The following DHRS7 variants were observed in gnomAD, a reference collection of about 807,000 sequenced individuals.
The protein encoded by DHRS7 is dehydrogenase/reductase 7, also known as dehydrogenase/reductase SDR family member 7.
In DHRS7, 34 loss-of-function variants were observed where a neutral mutation model predicts 38.9. That is an observed-to-expected ratio of 0.87 (90% CI 0.66 to 1.16). DHRS7 has a LOEUF of 1.16. Among genes scored for constraint, DHRS7 ranks in the 50% most tolerant of loss-of-function variants. DHRS7 has a pLI of 0.00. For missense variants in DHRS7, 421 were observed against 407.0 expected (o/e 1.03, Z -0.30); for synonymous variants, 158 against 153.1 (o/e 1.03, Z -0.24).
chr14:60,153,560 A>T lies in DHRS7; in HGVS notation c.394-382T>A, dbSNP rs1328888830. ...AAAATATAAAAATTAGCTGGGCGTGATGGTGCATGCCTGTAATCCCAGCTA... is the reference window on the plus strand; with the variant it reads ...AAAATATAAAAATTAGCTGGGCGTGTTGGTGCATGCCTGTAATCCCAGCTA... On this transcript the variant is annotated intron_variant, in intron 3 of 6. Transcript: ENST00000557185. This position sits in a 1 kb window ranked among gnomAD's most constrained non-coding sequence, Gnocchi z 4.4. 6.6e-6 allele frequency among the ~76,000 whole-genome samples: 1 copy of T among 151,978 alleles called. No individual in the cohort carries two copies. The highest frequency in any genetic ancestry group is 6.6e-5 in the Admixed American group (1 of 15,246).
At chr14:60,160,006 C>T (rs1220107802) in intron 1 of DHRS7, among the ~76,000 whole-genome samples, 1 of 152,184 alleles carries the variant, frequency 6.6e-6, no homozygotes, top group Non-Finnish European at 1.5e-5. Flanking sequence ...AATTGTCAAT[C>T]TGGGAAGATA....
At chr14:60,150,780 C>G (rs1896527834) in intron 4 of DHRS7, among the ~76,000 whole-genome samples, 1 of 152,162 alleles carries the variant, frequency 6.6e-6, no homozygotes, top group African/African-American at 2.4e-5. Flanking sequence ...GCACTTTTAA[C>G]AGTAGACTGG....
intron 6 of DHRS7, chr14:60,147,824 A>C (rs1325257945): frequency 1.3e-5 from 2 of 152,240 alleles, no homozygotes; most frequent in Non-Finnish European, 2.9e-5. Flanking sequence ...ATGCTCTGCC[A>C]GGAGGCTGTG....
intron 1 of DHRS7, 111 bp from the exon 2 acceptor site, chr14:60,156,263 C>T (rs1200204974): frequency 1.1e-6 from 1 of 907,736 alleles, no homozygotes; most frequent in Non-Finnish European, 1.5e-6. Flanking sequence ...AATATGAAGG[C>T]ATGATGTATA....
At chr14:60,166,026 C>T (rs1896862835), upstream of DHRS7, among the ~76,000 whole-genome samples, 1 of 152,188 alleles carries the variant, frequency 6.6e-6, no homozygotes, top group African/African-American at 2.4e-5. Flanking sequence ...CCAAATCCTC[C>T]CCTTACCCAA....
chr14:60,163,580 GTTC>G (rs1896805673), intron 1 of DHRS7, among the ~76,000 whole-genome samples: 1 of 152,094 alleles, frequency 6.6e-6, no homozygotes, highest in African/African-American at 2.4e-5. Flanking sequence ...CCTTCAAACT[GTTC>G]TTTTCCGACA....
intron 6 of DHRS7, chr14:60,147,514 A>G (rs1310412756): frequency 6.6e-6 from 1 of 152,204 alleles, no homozygotes; most frequent in Non-Finnish European, 1.5e-5. Context: ...TTATGTGTCA[A>G]TTATAAAGAA....
At position 60,145,077 on chromosome 14, in the gene DHRS7, T is replaced by C; in HGVS notation, c.973-64A>G. The C allele has an allele frequency of 8.5e-7, 1 of 1,170,930 alleles. No homozygotes were observed. The highest frequency in any genetic ancestry group is 2.6e-5 in the East Asian group (1 of 38,236). 72.5% of individuals were successfully genotyped at this position (1,170,930 alleles called of 1,614,324 possible). On this transcript the variant is annotated intron_variant, in intron 6 of 6. Coordinates refer to ENST00000557185, the MANE Select transcript of DHRS7 (RefSeq NM_016029.4). The surrounding 1 kb of genome is among the most constrained non-coding windows in gnomAD (Gnocchi z 4.0). ...CCTATTTACTCCAGTTTTTAACATTTAAGTCCTTCTGTTTTGAGGAGCTGT... is the reference window on the plus strand; with the variant it reads ...CCTATTTACTCCAGTTTTTAACATTCAAGTCCTTCTGTTTTGAGGAGCTGT...
rs1896771179 is a variant in DHRS7 at position 60,161,912 on chromosome 14, T to C, written c.133+3265A>G. ...TGAGGTCTACAAATGCAACCCAAGG[T>C]TGCCTGATCTTTTCTGGCAGCCACT... On this transcript the variant is annotated intron_variant, in intron 1 of 6. Transcript: ENST00000557185. The surrounding 1 kb of genome is among the most constrained non-coding windows in gnomAD (Gnocchi z 4.2). Among the ~76,000 whole-genome samples, 1 of 152,178 alleles carries C rather than the reference T, an allele frequency of 6.6e-6. No individual in the cohort carries two copies. The highest frequency in any genetic ancestry group is 2.1e-4 in the South Asian group (1 of 4,826).
chr14:60,156,234 G>A, intron 1 of DHRS7, 82 bp from the exon 2 acceptor site: 1 of 1,265,790 alleles, frequency 7.9e-7, no homozygotes, highest in Non-Finnish European at 1.0e-6. Flanking sequence ...AAAAAAGAAA[G>A]CCTTAAACAA....
intron 4 of DHRS7, among the ~76,000 whole-genome samples, chr14:60,151,051 T>G (rs763554151): frequency 2.0e-5 from 3 of 152,198 alleles, no homozygotes; most frequent in South Asian, 4.1e-4. Context: ...TGCAAATTTT[T>G]GGGGCAAAGG....
chr14:60,156,487 TGATA>T (rs1384191028), intron 1 of DHRS7, among the ~76,000 whole-genome samples: 52 of 152,196 alleles, frequency 3.4e-4, no homozygotes, highest in Admixed American at 3.3e-3. Context: ...AAGATAAATA[TGATA>T]GATAAGATAA....
upstream of DHRS7, chr14:60,166,279 C>T (rs930073242): frequency 1.6e-5 from 16 of 985,278 alleles, no homozygotes; most frequent in African/African-American, 2.8e-4. Flanking sequence ...CATTCACAAG[C>T]CTCAGAGGGA....
At chr14:60,155,277 C>G (rs995407077) in intron 2 of DHRS7, among the ~76,000 whole-genome samples, 10 of 151,944 alleles carry the variant, frequency 6.6e-5, no homozygotes, top group African/African-American at 2.2e-4. Context: ...GGTGAAACCC[C>G]GTCTCCATTA....
At chr14:60,169,025 G>T (rs1396359774), upstream of DHRS7, 1 of 253,026 alleles carries the variant, frequency 4.0e-6, no homozygotes, top group African/African-American at 2.3e-5. Flanking sequence ...AGACTGCCTG[G>T]AAGGCAGAAG....
Position 60,144,270 on chromosome 14 carries a change from G to A in DHRS7, c.*696C>T, listed in dbSNP as rs1437896880. 7.2e-5 allele frequency: 11 copies of A among 152,088 alleles called. No individual in the cohort carries two copies. The highest frequency in any genetic ancestry group is 1.6e-4 in the Non-Finnish European group (11 of 68,022). The allele number at this position is 152,088 out of a possible 1,614,324, so 9.4% of individuals were successfully genotyped here. A position where few individuals can be genotyped will look rare whatever the true frequency, so the allele number is the denominator to read the frequency against. On this transcript the variant is annotated 3_prime_UTR_variant, in exon 7 of 7. Transcript: ENST00000557185. ...TCATTTCAAATACTTCTTTATATCT[G>A]GTCATTACCCAGCACTCTGCTTTGT...
chr14:60,160,157 C>G (rs776239917), intron 1 of DHRS7, among the ~76,000 whole-genome samples: 50 of 152,090 alleles, frequency 3.3e-4, no homozygotes, highest in South Asian at 1.9e-3. Context: ...GAAACCCCAT[C>G]TCTACTAAAA....
intron 6 of DHRS7, chr14:60,147,916 A>AT (rs2140587217): frequency 6.6e-6 from 1 of 152,310 alleles, no homozygotes; most frequent in East Asian, 1.9e-4. Context: ...TGTCCTCCAT[A>AT]TTTAAAACTC....
At position 60,148,160 on chromosome 14, in the gene DHRS7, T is replaced by C. The variant is rs766080431; in HGVS notation, c.972+1193A>G. On this transcript the variant is annotated intron_variant, in intron 6 of 6. Transcript: ENST00000557185. The surrounding 1 kb of genome is among the most constrained non-coding windows in gnomAD (Gnocchi z 4.8). ...AAGCATTTTGTTGTGTTTGTAACTT[T>C]TTACCCCCTAATTCATTTTCACTGT... 5.9e-5 allele frequency: 9 copies of C among 152,238 alleles called. No individual in the cohort carries two copies. Among genetic ancestry groups the C allele is most frequent in the Non-Finnish European group, 8.8e-5 (6 of 68,046 alleles). The allele number at this position is 152,238 out of a possible 1,614,324, so 9.4% of individuals were successfully genotyped here. A position where few individuals can be genotyped will look rare whatever the true frequency, so the allele number is the denominator to read the frequency against.
Sources: allele counts gnomAD v4.1 joint callset (sites outside exome capture counted in the v4.1 genomes callset), GRCh38; gene constraint gnomAD v4.1.1; non-coding constraint Gnocchi (gnomAD v3.1); transcripts MANE v1.5; gene names NCBI Gene and HGNC (gene_info 2026-07-23, HGNC 2026-07-21).